The following USP50 variants were observed in gnomAD, a reference collection of about 807,000 sequenced individuals.
The protein encoded by USP50 is ubiquitin carboxyl-terminal hydrolase 50.
Under a neutral mutation model 39.2 loss-of-function variants are expected in USP50, and 37 were observed. That is an observed-to-expected ratio of 0.94 (90% CI 0.73 to 1.24). The LOEUF (loss-of-function observed/expected upper bound fraction) is 1.24, where lower values mean the gene tolerates loss of function less well. Among genes scored for constraint, USP50 ranks in the 50% most tolerant of loss-of-function variants. The probability of loss-of-function intolerance (pLI) is 0.00; values close to 1 mark genes in which losing one functional copy is unlikely to be tolerated. For missense variants in USP50, 374 were observed against 398.2 expected (o/e 0.94, Z 0.52); for synonymous variants, 139 against 144.5 (o/e 0.96, Z 0.27).
chr15:50,530,945 G>GT lies in USP50; in HGVS notation c.804-1017dup, dbSNP rs889797280. Among the ~76,000 whole-genome samples the GT allele has an allele frequency of 2.1e-3, 320 of 149,804 alleles. 2 individuals are homozygous for GT. Among genetic ancestry groups the GT allele is most frequent in the Non-Finnish European group, 4.0e-4 (27 of 67,270 alleles). On this transcript the variant is annotated intron_variant, in intron 5 of 6. Coordinates refer to ENST00000532404, the MANE Select transcript of USP50 (RefSeq NM_203494.5). ...GTTTTCAAGCTCTGAGTTTTTGTTT[G>GT]TTTTTTTTTAATGTTTTAATAAGAA...
intron 5 of USP50, among the ~76,000 whole-genome samples, chr15:50,534,231 G>C (rs542621845): frequency 2.6e-5 from 4 of 152,190 alleles, no homozygotes; most frequent in African/African-American, 9.6e-5. Context: ...TTATATATAA[G>C]TGAAATGAAT....
chr15:50,513,165 T>C (rs2052759732), intron 6 of USP50: 1 of 152,156 alleles, frequency 6.6e-6, no homozygotes, highest in African/African-American at 2.4e-5. Flanking sequence ...TGTAGAAAGT[T>C]AAATATGCAC....
chr15:50,493,253 C>T (rs1208923419), downstream of USP50: 2 of 513,710 alleles, frequency 3.9e-6, no homozygotes, highest in East Asian at 1.0e-4. Flanking sequence ...TCTCTTAATC[C>T]TGTCACATTG....
At chr15:50,516,918 T>G (rs1264260200) in intron 6 of USP50, among the ~76,000 whole-genome samples, 1 of 152,082 alleles carries the variant, frequency 6.6e-6, no homozygotes. Flanking sequence ...CCTAAACATA[T>G]AAAGCAATTA....
At chr15:50,537,873 A>AGGGAGGGGAGGGGAAGGGAG (rs2052992086) in intron 5 of USP50, among the ~76,000 whole-genome samples, 2 of 22,176 alleles carry the variant, frequency 9.0e-5, no homozygotes, top group Non-Finnish European at 8.1e-5. Flanking sequence ...AGGGGAGGGG[A>AGGGAGGGGAGGGGAAGGGAG]GGGAGGGGAG....
intron 3 of USP50, among the ~76,000 whole-genome samples, chr15:50,542,323 C>G (rs1267135865): frequency 6.6e-6 from 1 of 152,130 alleles, no homozygotes; most frequent in African/African-American, 2.4e-5. Flanking sequence ...CTGACAGTAA[C>G]TTAATTCCCC....
intron 6 of USP50, chr15:50,512,034 T>C (rs1025590831): frequency 3.9e-5 from 6 of 151,956 alleles, no homozygotes; most frequent in Non-Finnish European, 8.8e-5. Context: ...ATACGCAGAA[T>C]AGGCACATCT....
chr15:50,546,630 A>G lies in USP50; in HGVS notation c.-105T>C, dbSNP rs2053073299. ...TAACGCTGGCTTTTTGTTTTAAACA[A>G]TTGATATGCTCCTCTCTCTTCCAGT... On this transcript the variant is annotated 5_prime_UTR_variant, in exon 1 of 7. Coordinates refer to ENST00000532404, the MANE Select transcript of USP50 (RefSeq NM_203494.5). 2.4e-6 allele frequency: 3 copies of G among 1,228,988 alleles called. No homozygotes were observed. The highest frequency in any genetic ancestry group is 1.5e-5 in the African/African-American group (1 of 67,556). 76.1% of individuals were successfully genotyped at this position (1,228,988 alleles called of 1,614,324 possible). A position where few individuals can be genotyped will look rare whatever the true frequency, so the allele number is the denominator to read the frequency against.
rs76462024 is a variant in USP50 at position 50,536,875 on chromosome 15, C to T, written c.803+1834G>A. On this transcript the variant is annotated intron_variant, in intron 5 of 6. Transcript: ENST00000532404. ...TTGTCAAGATGTCAGTTCTTCCCAA[C>T]TTGATCTGTAAATACAATGCAATCC... Among the ~76,000 whole-genome samples, 419 of 152,248 alleles carry T rather than the reference C, an allele frequency of 2.8e-3. 1 individual carries two copies. The highest frequency in any genetic ancestry group is 4.6e-3 in the Non-Finnish European group (314 of 68,008).
downstream of USP50, chr15:50,498,435 T>C (rs2052496799): frequency 1.1e-6 from 1 of 916,070 alleles, no homozygotes; most frequent in African/African-American, 1.7e-5. Flanking sequence ...AAAATGGAAA[T>C]GAAGCCAAAT....
chr15:50,527,949 A>C (rs1436895857), intron 6 of USP50, among the ~76,000 whole-genome samples: 1 of 152,014 alleles, frequency 6.6e-6, no homozygotes, highest in Admixed American at 6.6e-5. Context: ...ACAGATGCTT[A>C]GTTCTTACCT....
At position 50,543,640 on chromosome 15, in the gene USP50, G is replaced by A; in HGVS notation, c.402C>T (p.Phe134=). The A allele has an allele frequency of 1.2e-6, 2 of 1,613,720 alleles. No homozygotes were observed. The highest frequency in any genetic ancestry group is 2.2e-5 in the South Asian group (2 of 90,996). ...GAAGTTCATTTAGGACACAAATCAA[G>A]AATTCCTGAGCATCTTGTTGCATCT... ...TKKMQQDAQE[F]LICVLNELHE... is the part of the protein sequence containing the mutation. Residue 134 remains phenylalanine (F), a synonymous_variant, in exon 3 of 7, where the codon TTC becomes TTT. Coordinates refer to ENST00000532404, the MANE Select transcript of USP50 (RefSeq NM_203494.5).
At chr15:50,534,563 A>G (rs1195326768) in intron 5 of USP50, among the ~76,000 whole-genome samples, 2 of 152,180 alleles carry the variant, frequency 1.3e-5, no homozygotes, top group Admixed American at 1.3e-4. Flanking sequence ...TAAAACACAG[A>G]TTGTTTTAAT....
chr15:50,541,186 A>C lies in USP50; in HGVS notation c.523T>G (p.Ser175Ala), dbSNP rs1464644790. Residue 175 changes from serine to alanine, a missense_variant, in exon 4 of 7, where the codon TCC (serine) becomes GCC (alanine). Coordinates refer to ENST00000532404, the MANE Select transcript of USP50 (RefSeq NM_203494.5). Reference sequence around the variant, plus strand: ...TCTTCAAACAGCTGGGTGATGATGGATGTCTCAGTGGTAATCCACTTCCTG... The same window carrying C: ...TCTTCAAACAGCTGGGTGATGATGGCTGTCTCAGTGGTAATCCACTTCCTG... Reference protein sequence around the residue: ...CCRKWITTETSIITQLFEEQL... With the variant: ...CCRKWITTETAIITQLFEEQL... The C allele has an allele frequency of 1.2e-6, 2 of 1,613,994 alleles. No homozygotes were observed. The highest frequency in any genetic ancestry group is 2.2e-5 in the South Asian group (2 of 91,082).
chr15:50,494,966 G>A (rs2052318285), intron 1 of USP50, among the ~76,000 whole-genome samples: 1 of 149,492 alleles, frequency 6.7e-6, no homozygotes, highest in Admixed American at 6.7e-5. Context: ...AGTGAGCCGA[G>A]ATTGCAGTGA....
intron 6 of USP50, among the ~76,000 whole-genome samples, chr15:50,525,592 G>A (rs1329794188): frequency 7.1e-6 from 1 of 139,980 alleles, no homozygotes; most frequent in Non-Finnish European, 1.5e-5. Context: ...ATATGTATAT[G>A]TATATATGTA....
intron 5 of USP50, among the ~76,000 whole-genome samples, chr15:50,537,056 A>C: frequency 6.6e-6 from 1 of 152,218 alleles, no homozygotes; most frequent in East Asian, 1.9e-4. Context: ...TAAAACCAGA[A>C]TAATCAAGAC....
At chr15:50,512,621 C>G (rs543089885) in intron 6 of USP50, 1 of 152,056 alleles carries the variant, frequency 6.6e-6, no homozygotes, top group Admixed American at 6.6e-5. Context: ...GAAACCACAT[C>G]TCTACTAAAA....
downstream of USP50, chr15:50,495,889 T>C (rs1566892377): frequency 6.2e-7 from 1 of 1,613,866 alleles, no homozygotes; most frequent in Non-Finnish European, 8.5e-7. Flanking sequence ...ATAATGATCA[T>C]CTCGATGACT....
Sources: allele counts gnomAD v4.1 joint callset (sites outside exome capture counted in the v4.1 genomes callset), GRCh38; gene constraint gnomAD v4.1.1; transcripts MANE v1.5; gene names NCBI Gene and HGNC (gene_info 2026-07-23, HGNC 2026-07-21).